KLHL29: variants seen among roughly 807,000 people sequenced by gnomAD.
KLHL29 encodes the protein kelch like family member 29.
A neutral mutation model predicts 80.4 loss-of-function variants in KLHL29; 21 were observed. The ratio of observed to expected loss-of-function variants is 0.26; its 90% CI spans 0.19 to 0.38. KLHL29 has a LOEUF of 0.38. Ranked by LOEUF, KLHL29 falls within the 10% of genes least tolerant of loss-of-function variation. The pLI is 1.00. For missense variants in KLHL29, 867 were observed against 1,223.9 expected, an observed-to-expected ratio of 0.71 and a Z score of 4.35; for synonymous variants, 511 against 526.8, an observed-to-expected ratio of 0.97 and a Z score of 0.41.
intron 2 of KLHL29, among the ~76,000 whole-genome samples, chr2:23,531,331 G>A (rs906570841): frequency 6.6e-6 from 1 of 152,186 alleles, no homozygotes; most frequent in East Asian, 1.9e-4. Context: ...GCCAACATGG[G>A]ACCTATTTGG....
intron 1 of KLHL29, among the ~76,000 whole-genome samples, chr2:23,428,277 G>A (rs1663060719): frequency 6.6e-6 from 1 of 152,228 alleles, no homozygotes; most frequent in Admixed American, 6.5e-5. Flanking sequence ...GCAAGTGGCT[G>A]TGTCTTCCGC....
intron 1 of KLHL29, among the ~76,000 whole-genome samples, chr2:23,463,055 C>T (rs532749905): frequency 6.7e-6 from 1 of 150,156 alleles, no homozygotes; most frequent in Non-Finnish European, 1.5e-5. Context: ...TTGTTCTGGG[C>T]AGCTTTGCCT....
intron 3 of KLHL29, among the ~76,000 whole-genome samples, chr2:23,624,315 G>A (rs1016762473): frequency 7.9e-5 from 12 of 152,154 alleles, no homozygotes; most frequent in African/African-American, 2.9e-4. Flanking sequence ...CCAGGTACCA[G>A]ATAGGAACTA....
chr2:23,561,304 C>T (rs1441416579), intron 2 of KLHL29, among the ~76,000 whole-genome samples: 1 of 152,186 alleles, frequency 6.6e-6, no homozygotes, highest in African/African-American at 2.4e-5. Context: ...GAGCAAAATG[C>T]AATCTTTGGT....
At chr2:23,539,222 A>G (rs923519120) in intron 2 of KLHL29, among the ~76,000 whole-genome samples, 1 of 152,058 alleles carries the variant, frequency 6.6e-6, no homozygotes, top group Non-Finnish European at 1.5e-5. Context: ...TGTCTCTGTT[A>G]CGTTCAATTC....
At chr2:23,391,647 C>A (rs1288944105) in intron 1 of KLHL29, among the ~76,000 whole-genome samples, 3 of 152,144 alleles carry the variant, frequency 2.0e-5, no homozygotes, top group African/African-American at 7.2e-5. Flanking sequence ...GTTGGTCAGG[C>A]TGGTCTCGAA....
intron 2 of KLHL29, among the ~76,000 whole-genome samples, chr2:23,481,412 A>G (rs765955224): frequency 1.5e-4 from 23 of 152,350 alleles, no homozygotes; most frequent in Non-Finnish European, 2.2e-4. Flanking sequence ...TCTGGAACTT[A>G]GCAAAGTGAA....
chr2:23,397,071 G>T (rs575310033), intron 1 of KLHL29, among the ~76,000 whole-genome samples: 29 of 152,326 alleles, frequency 1.9e-4, no homozygotes, highest in African/African-American at 6.3e-4. Context: ...TGCGGGGGAA[G>T]GTAGGGGAGG....
chr2:23,522,993 GAACT>G (rs748658425), intron 2 of KLHL29, among the ~76,000 whole-genome samples: 49 of 151,926 alleles, frequency 3.2e-4, no homozygotes, highest in Middle Eastern at 3.4e-3. Context: ...CGTCTCTGAA[GAACT>G]GAATGTTAGA....
At chr2:23,671,665 C>T (rs565023090) in intron 5 of KLHL29, among the ~76,000 whole-genome samples, 80 of 152,306 alleles carry the variant, frequency 5.3e-4, no homozygotes, top group African/African-American at 1.8e-3. Context: ...CCCCTCCCTA[C>T]ACCCCACAAC....
chr2:23,536,918 A>T lies in KLHL29; in HGVS notation c.-45-25234A>T, dbSNP rs62125422. On this transcript the variant is annotated intron_variant, in intron 2 of 13. Coordinates refer to ENST00000486442, the MANE Select transcript of KLHL29 (RefSeq NM_052920.2). ...CACACACACACACACACACACACAC[A>T]CTCTCTCTCTCCCTCTCTCGCTCTC... 8.0e-3 allele frequency among the ~76,000 whole-genome samples: 1,123 copies of T among 140,702 alleles called. 17 individuals are homozygous for T. Among genetic ancestry groups the T allele is most frequent in the African/African-American group, 0.025 (935 of 36,976 alleles). 92.3% of individuals were successfully genotyped at this position (140,702 alleles called of 152,430 possible).
intron 1 of KLHL29, among the ~76,000 whole-genome samples, chr2:23,467,235 G>C (rs562521920): frequency 3.9e-5 from 6 of 152,322 alleles, no homozygotes; most frequent in East Asian, 3.9e-4. Context: ...GCCATCCCGC[G>C]TGTTTCTTCA....
At chr2:23,437,102 G>GC (rs1663366476) in intron 1 of KLHL29, among the ~76,000 whole-genome samples, 1 of 152,170 alleles carries the variant, frequency 6.6e-6, no homozygotes, top group African/African-American at 2.4e-5. Context: ...TTGATTGAAA[G>GC]CCCGGGTTCA....
At chr2:23,629,372 CT>C (rs112358380) in intron 3 of KLHL29, among the ~76,000 whole-genome samples, 307 of 144,720 alleles carry the variant, frequency 2.1e-3, no homozygotes, top group African/African-American at 5.9e-3. Flanking sequence ...TTGTGATGGG[CT>C]TTTTTTTTTT....
At chr2:23,675,353 C>T (rs948779186) in intron 5 of KLHL29, among the ~76,000 whole-genome samples, 1 of 152,188 alleles carries the variant, frequency 6.6e-6, no homozygotes, top group Non-Finnish European at 1.5e-5. Context: ...CTCTGCAATG[C>T]CCACCCTCTG....
intron 2 of KLHL29, among the ~76,000 whole-genome samples, chr2:23,502,916 T>G (rs1422938207): frequency 6.6e-6 from 1 of 152,240 alleles, no homozygotes; most frequent in Non-Finnish European, 1.5e-5. Context: ...CTGGCTTGGT[T>G]ACTAAAATTC....
intron 5 of KLHL29, among the ~76,000 whole-genome samples, chr2:23,676,187 G>GTT (rs1553354210): frequency 1.4e-5 from 2 of 146,670 alleles, no homozygotes; most frequent in African/African-American, 5.1e-5. Context: ...TGGGTTTTTT[G>GTT]TTTTTTTTTT....
In KLHL29 at chr2:23,695,552, C is replaced by A; in HGVS notation, c.1543-71C>A. On this transcript the variant is annotated intron_variant, in intron 8 of 13. Coordinates refer to ENST00000486442, the MANE Select transcript of KLHL29 (RefSeq NM_052920.2). The surrounding 1 kb of genome is among the most constrained non-coding windows in gnomAD (Gnocchi z 7.6). Reference sequence around the variant, plus strand: ...TTATCCATTCTTGTGCAGCCCCACACCATTTCTTTCCGTCCGGGAGGTGGC... The same window carrying A: ...TTATCCATTCTTGTGCAGCCCCACAACATTTCTTTCCGTCCGGGAGGTGGC... 3.8e-6 allele frequency: 4 copies of A among 1,065,728 alleles called. No homozygotes were observed. Among genetic ancestry groups the A allele is most frequent in the Non-Finnish European group, 5.4e-6 (4 of 742,214 alleles). The allele number at this position is 1,065,728 out of a possible 1,614,324, so 66.0% of individuals were successfully genotyped here.
At chr2:23,490,050 A>G (rs528218765) in intron 2 of KLHL29, among the ~76,000 whole-genome samples, 4 of 152,346 alleles carry the variant, frequency 2.6e-5, no homozygotes, top group Non-Finnish European at 5.9e-5. Context: ...AAGATCATTC[A>G]CTTATTTCAT....
Sources: allele counts gnomAD v4.1 joint callset (sites outside exome capture counted in the v4.1 genomes callset), GRCh38; gene constraint gnomAD v4.1.1; non-coding constraint Gnocchi (gnomAD v3.1); transcripts MANE v1.5; gene names NCBI Gene and HGNC (gene_info 2026-07-23, HGNC 2026-07-21).